Variants in MS4A3 observed in about 807,000 individuals in gnomAD.
The protein encoded by MS4A3 is membrane-spanning 4-domains subfamily A member 3.
In MS4A3, 18 loss-of-function variants were observed where a neutral mutation model predicts 24.7. The ratio of observed to expected loss-of-function variants is 0.73; its 90% CI spans 0.50 to 1.08. The LOEUF is 1.08. MS4A3 is among the 50% of genes least tolerant of loss of function. The pLI, the probability that MS4A3 is intolerant of heterozygous loss-of-function variation, is 0.00. For synonymous variants in MS4A3, 84 were observed against 95.3 expected, an observed-to-expected ratio of 0.88 and a Z score of 0.69; for missense variants, 282 against 251.7, an observed-to-expected ratio of 1.12 and a Z score of -0.82.
In MS4A3 at chr11:60,064,278, C is replaced by G. The variant is rs775092822; in HGVS notation, c.311C>G (p.Thr104Ser). ...TTCAAACAGTTCTGTAGTTCAGGAA[C>G]CTTGTCTGTTGTAGCAGGGATAAAA... ...WGAVFFCSSG[T>S]LSVVAGIKPT... Residue 104 changes from threonine (T) to serine (S), a missense_variant, in exon 4 of 7, where the codon ACC (threonine) becomes AGC (serine). Physicochemically the swap from Thr to Ser is moderately conservative, Grantham distance 58. Transcript: ENST00000278865. 2.5e-6 allele frequency: 4 copies of G among 1,604,666 alleles called. No homozygotes were observed. The highest frequency in any genetic ancestry group is 1.3e-5 in the African/African-American group (1 of 74,508).
At chr11:60,065,051 T>C (rs1182368717) in intron 4 of MS4A3, among the ~76,000 whole-genome samples, 1 of 152,126 alleles carries the variant, frequency 6.6e-6, no homozygotes, top group Non-Finnish European at 1.5e-5. Context: ...CTCTGCTATA[T>C]ATATATTTTT....
At chr11:60,060,829 T>C (rs981882842) in intron 1 of MS4A3, 1 of 173,174 alleles carries the variant, frequency 5.8e-6, no homozygotes, top group Non-Finnish European at 1.2e-5. Context: ...AAACCATATG[T>C]CTGGTTGCCC....
chr11:60,067,169 C>T, intron 5 of MS4A3, 57 bp downstream of exon 5: 1 of 1,095,430 alleles, frequency 9.1e-7, no homozygotes, highest in Non-Finnish European at 1.3e-6. Flanking sequence ...CCAGGATGTA[C>T]AGAAAAATAA....
chr11:60,064,040 A>G (rs775891754), intron 3 of MS4A3, among the ~76,000 whole-genome samples: 39 of 149,672 alleles, frequency 2.6e-4, no homozygotes, highest in Non-Finnish European at 4.7e-4. Flanking sequence ...AAAAAATAAA[A>G]TGAATAAAAC....
At chr11:60,061,075 A>G in intron 1 of MS4A3, 71 bp from the exon 2 acceptor site, 1 of 1,411,952 alleles carries the variant, frequency 7.1e-7, no homozygotes, top group Non-Finnish European at 9.6e-7. Context: ...ACCCTTCTGT[A>G]ACACTCAAAA....
chr11:60,067,942 C>G (rs1855396541), intron 5 of MS4A3, among the ~76,000 whole-genome samples: 1 of 151,692 alleles, frequency 6.6e-6, no homozygotes, highest in African/African-American at 2.4e-5. Flanking sequence ...ATCCCAGCTA[C>G]TTGGGAGGCT....
intron 4 of MS4A3, among the ~76,000 whole-genome samples, chr11:60,066,119 C>A (rs1855357284): frequency 6.6e-6 from 1 of 152,196 alleles, no homozygotes; most frequent in Non-Finnish European, 1.5e-5. Context: ...AGTCTTCTTT[C>A]TTTCACAATC....
chr11:60,063,861 CAG>C (rs771319609), intron 3 of MS4A3, among the ~76,000 whole-genome samples: 19 of 152,048 alleles, frequency 1.2e-4, no homozygotes, highest in South Asian at 8.3e-4. Context: ...TTTGGGGACT[CAG>C]GGGGAAAGGT....
chr11:60,069,718 C>G (rs1379328781), intron 6 of MS4A3, 43 bp downstream of exon 6: 2 of 1,445,018 alleles, frequency 1.4e-6, no homozygotes, highest in African/African-American at 2.8e-5. Context: ...GATCTCAAAG[C>G]CTCCCTGTAG....
At chr11:60,061,515 A>G (rs1043087153) in intron 2 of MS4A3, 199 bp downstream of exon 2, 5 of 680,692 alleles carry the variant, frequency 7.3e-6, no homozygotes, top group African/African-American at 1.8e-5. Flanking sequence ...GAGGATGAGG[A>G]TGAAGACCTT....
chr11:60,062,423 CT>C (rs1267886486), intron 2 of MS4A3, 44 bp from the exon 3 acceptor site: 6 of 1,611,036 alleles, frequency 3.7e-6, no homozygotes, highest in Non-Finnish European at 5.1e-6. Flanking sequence ...TCAGTGTCCA[CT>C]TTAGTATATG....
intron 4 of MS4A3, 68 bp from the exon 5 acceptor site, chr11:60,066,883 A>G (rs1855369004): frequency 2.4e-6 from 3 of 1,239,296 alleles, no homozygotes; most frequent in Non-Finnish European, 3.3e-6. Context: ...GTTTGTTTCA[A>G]TGAATTGTTG....
At chr11:60,063,518 C>A (rs1855311098) in intron 3 of MS4A3, among the ~76,000 whole-genome samples, 2 of 151,970 alleles carry the variant, frequency 1.3e-5, no homozygotes, top group Non-Finnish European at 2.9e-5. Flanking sequence ...TTGTTTATTT[C>A]TTGGTGATTT....
chr11:60,062,422 A>G, intron 2 of MS4A3, 46 bp from the exon 3 acceptor site: 1 of 1,609,674 alleles, frequency 6.2e-7, no homozygotes, highest in Non-Finnish European at 8.5e-7. Flanking sequence ...TTCAGTGTCC[A>G]CTTTAGTATA....
At position 60,061,156 on chromosome 11, in the gene MS4A3, C is replaced by A. The variant is rs773288067; in HGVS notation, c.-5C>A. The A allele has an allele frequency of 8.3e-6, 13 of 1,574,912 alleles. No individual in the cohort carries two copies. The highest frequency in any genetic ancestry group is 1.1e-5 in the Non-Finnish European group (13 of 1,165,906). On this transcript the variant is annotated 5_prime_UTR_variant, in exon 2 of 7. Coordinates refer to ENST00000278865, the MANE Select transcript of MS4A3 (RefSeq NM_006138.5). Reference sequence around the variant, plus strand: ...TCTTTTCTATCACAGCCATAAACAACCCCAATGGCCTCCCACGAAGTTGAT... The same window carrying A: ...TCTTTTCTATCACAGCCATAAACAAACCCAATGGCCTCCCACGAAGTTGAT...
chr11:60,068,329 T>A (rs1318810022), intron 5 of MS4A3, among the ~76,000 whole-genome samples: 3 of 137,908 alleles, frequency 2.2e-5, no homozygotes, highest in African/African-American at 5.4e-5. Context: ...AAGCTCCGCC[T>A]CCTGGGTTCA....
chr11:60,064,067 CTAAATAAA>C (rs58312985), intron 3 of MS4A3, among the ~76,000 whole-genome samples, 187 bp from the exon 4 acceptor site: 1,683 of 147,478 alleles, frequency 0.011, 26 homozygotes, highest in African/African-American at 0.038. Flanking sequence ...CATGGAAAGA[CTAAATAAA>C]TAAATAAATA....
chr11:60,064,046 A>C (rs557035166), intron 3 of MS4A3, among the ~76,000 whole-genome samples: 2 of 147,282 alleles, frequency 1.4e-5, no homozygotes, highest in African/African-American at 5.0e-5. Context: ...TAAAATGAAT[A>C]AAACTAATTG....
At position 60,058,506 on chromosome 11, in the gene MS4A3, CAAAAAAAAAAAAAAAAAAAAA is replaced by C. The variant is rs58722616; in HGVS notation, c.-16+1782_-16+1802del. Among the ~76,000 whole-genome samples the C allele has an allele frequency of 4.5e-4, 8 of 17,890 alleles. No homozygotes were observed. The East Asian group carries it at 0.013, about 30-fold the overall frequency. 11.7% of individuals were successfully genotyped at this position (17,890 alleles called of 152,430 possible). A position where few individuals can be genotyped will look rare whatever the true frequency, so the allele number is the denominator to read the frequency against. On this transcript the variant is annotated intron_variant, in intron 1 of 6. Coordinates refer to ENST00000278865, the MANE Select transcript of MS4A3 (RefSeq NM_006138.5). ...TGGGAGACAGAGCAAAGCTCCAACT[CAAAAAAAAAAAAAAAAAAAAA>C]AAAAAAAAAAAAAAATTCAGTCTGG...
Sources: gnomAD v4.1 joint callset for allele counts (sites outside exome capture counted in the v4.1 genomes callset) on GRCh38, gnomAD v4.1.1 for gene constraint, MANE v1.5 for transcripts, NCBI Gene and HGNC (gene_info 2026-07-23, HGNC 2026-07-21) for gene names.